Variants in NEGR1 observed in about 807,000 individuals in gnomAD.
NEGR1 encodes neuronal growth regulator 1, also known as IgLON family member 4.
NEGR1 carries 10 observed loss-of-function variants against 40.9 expected under a neutral mutation model. That is an observed-to-expected ratio of 0.24 (90% confidence interval 0.15 to 0.42). NEGR1 has a LOEUF of 0.42. NEGR1 is among the 10% of genes least tolerant of loss of function. The pLI is 1.00. For synonymous variants in NEGR1, 185 were observed against 166.8 expected, an observed-to-expected ratio of 1.11 and a Z score of -0.84; for missense variants, 352 against 438.9, an observed-to-expected ratio of 0.80 and a Z score of 1.77.
intron 1 of NEGR1, among the ~76,000 whole-genome samples, chr1:72,189,854 T>C (rs1652754342): frequency 1.3e-5 from 2 of 151,712 alleles, no homozygotes; most frequent in East Asian, 1.9e-4. Context: ...ACACAGATGA[T>C]AAAAGAAATA....
chr1:72,221,068 T>C (rs1464123140), intron 1 of NEGR1, among the ~76,000 whole-genome samples: 5 of 152,130 alleles, frequency 3.3e-5, no homozygotes, highest in Non-Finnish European at 7.4e-5. Flanking sequence ...TCAGCATGGT[T>C]GGTTCTTTCT....
rs577942865 is a variant in NEGR1 at position 72,248,829 on chromosome 1, C to T, written c.176+33490G>A. Reference sequence around the variant, plus strand: ...AACTTCTGACCTCAGGTGATCCACCCGCCTTGACCTCCCAAAGTGCTGGGA... The same window carrying T: ...AACTTCTGACCTCAGGTGATCCACCTGCCTTGACCTCCCAAAGTGCTGGGA... On this transcript the variant is annotated intron_variant, in intron 1 of 6. Transcript: ENST00000357731. Among the ~76,000 whole-genome samples, 534 of 152,052 alleles carry T rather than the reference C, an allele frequency of 3.5e-3. 4 individuals carry two copies. Among genetic ancestry groups the T allele is most frequent in the African/African-American group, 0.012 (512 of 41,504 alleles).
chr1:72,227,465 G>T (rs1654228267), intron 1 of NEGR1, among the ~76,000 whole-genome samples: 1 of 152,078 alleles, frequency 6.6e-6, no homozygotes, highest in Non-Finnish European at 1.5e-5. Flanking sequence ...GAACCATTTT[G>T]CCTCAAAGAG....
chr1:71,425,624 G>A (rs1159405484), intron 6 of NEGR1, among the ~76,000 whole-genome samples: 1 of 152,026 alleles, frequency 6.6e-6, no homozygotes, highest in African/African-American at 2.4e-5. Context: ...AGCTTGACCA[G>A]AAGACCTGTG....
chr1:71,532,348 C>A (rs12135898), intron 6 of NEGR1, among the ~76,000 whole-genome samples: 15,314 of 151,456 alleles, frequency 0.1, 1,116 homozygotes, highest in Non-Finnish European at 0.14. Flanking sequence ...AAATAAAGCC[C>A]AACAACTGAA....
At chr1:71,947,056 C>A (rs1264734983) in intron 1 of NEGR1, among the ~76,000 whole-genome samples, 2 of 148,796 alleles carry the variant, frequency 1.3e-5, no homozygotes, top group Non-Finnish European at 3.0e-5. Flanking sequence ...CCACTGGACT[C>A]CAGCCTGGGC....
At chr1:72,266,953 G>C (rs888015618) in intron 1 of NEGR1, among the ~76,000 whole-genome samples, 5 of 150,974 alleles carry the variant, frequency 3.3e-5, no homozygotes, top group Non-Finnish European at 4.5e-5. Context: ...GCATACCGGA[G>C]GGTAAAGAAG....
At chr1:71,957,617 C>A (rs893374592) in intron 1 of NEGR1, among the ~76,000 whole-genome samples, 1 of 152,000 alleles carries the variant, frequency 6.6e-6, no homozygotes, top group South Asian at 2.1e-4. Flanking sequence ...TTTTTGTGAG[C>A]AAAATATTTC....
intron 1 of NEGR1, among the ~76,000 whole-genome samples, chr1:72,072,775 C>G (rs956105213): frequency 6.6e-6 from 1 of 151,994 alleles, no homozygotes; most frequent in African/African-American, 2.4e-5. Flanking sequence ...AGAGAACTCC[C>G]TTTGTGTTGC....
chr1:71,783,962 C>T (rs1190823678), intron 2 of NEGR1, among the ~76,000 whole-genome samples: 2 of 152,062 alleles, frequency 1.3e-5, no homozygotes, highest in Admixed American at 1.3e-4. Context: ...CATTTCTAAT[C>T]ACAATGCAGA....
intron 3 of NEGR1, among the ~76,000 whole-genome samples, chr1:71,720,444 G>A (rs1654467342): frequency 2.0e-5 from 3 of 152,094 alleles, no homozygotes; most frequent in Non-Finnish European, 4.4e-5. Context: ...ATCCACTGAT[G>A]GCTTTTCTGT....
chr1:71,943,224 A>C (rs1037173420), intron 1 of NEGR1, among the ~76,000 whole-genome samples: 3 of 148,346 alleles, frequency 2.0e-5, no homozygotes, highest in African/African-American at 7.6e-5. Context: ...AGTTTGTTTT[A>C]TGTATATACT....
At chr1:72,133,710 T>C (rs1303689630) in intron 1 of NEGR1, among the ~76,000 whole-genome samples, 3 of 151,708 alleles carry the variant, frequency 2.0e-5, no homozygotes, top group Non-Finnish European at 2.9e-5. Flanking sequence ...CAGAGATTCA[T>C]TAGCACATAA....
chr1:71,675,112 C>CATATATATATATATATATATATATAT (rs1553157758), intron 4 of NEGR1, among the ~76,000 whole-genome samples: 3,221 of 44,796 alleles, frequency 0.072, 504 homozygotes, highest in Non-Finnish European at 0.12. Flanking sequence ...CATGTTTATT[C>CATATATATATATATATATATATATAT]ATATATATAT....
intron 3 of NEGR1, among the ~76,000 whole-genome samples, chr1:71,698,363 A>G (rs890740273): frequency 5.3e-5 from 8 of 152,014 alleles, no homozygotes; most frequent in African/African-American, 1.9e-4. Flanking sequence ...AACAGGATAT[A>G]CATGTGTTCT....
At chr1:72,256,969 C>T (rs1655290347) in intron 1 of NEGR1, among the ~76,000 whole-genome samples, 1 of 152,148 alleles carries the variant, frequency 6.6e-6, no homozygotes, top group Non-Finnish European at 1.5e-5. Context: ...CTCATTTAAA[C>T]TCAAATTAAG....
At chr1:71,987,914 G>C (rs187881441) in intron 1 of NEGR1, among the ~76,000 whole-genome samples, 11 of 138,648 alleles carry the variant, frequency 7.9e-5, no homozygotes. Context: ...TGAAAGAGGA[G>C]CCCTTCATTC....
intron 6 of NEGR1, among the ~76,000 whole-genome samples, chr1:71,466,113 GATA>G (rs1372890398): frequency 2.0e-5 from 3 of 151,990 alleles, no homozygotes; most frequent in African/African-American, 7.2e-5. Flanking sequence ...GCAAAATGGT[GATA>G]ATAATACGCA....
At chr1:72,138,150 G>A (rs1261495852) in intron 1 of NEGR1, among the ~76,000 whole-genome samples, 2 of 151,962 alleles carry the variant, frequency 1.3e-5, no homozygotes, top group Admixed American at 1.3e-4. Flanking sequence ...GTAACATGAT[G>A]GAGTATATGT....
Sources: gnomAD v4.1 joint callset for allele counts (sites outside exome capture counted in the v4.1 genomes callset) on GRCh38, gnomAD v4.1.1 for gene constraint, MANE v1.5 for transcripts, NCBI Gene and HGNC (gene_info 2026-07-23, HGNC 2026-07-21) for gene names.